The following TRMT2B variants were observed in gnomAD, a reference collection of about 807,000 sequenced individuals.
TRMT2B encodes tRNA methyltransferase 2B, also known as tRNA (uracil-5-)-methyltransferase homolog B.
TRMT2B carries 34 observed loss-of-function variants against 39.7 expected under a neutral mutation model. The observed-to-expected ratio is 0.86, with a 90% CI of 0.65 to 1.14. The LOEUF is 1.14. Among genes scored for constraint, TRMT2B ranks in the 50% most tolerant of loss-of-function variants. The pLI is 0.00. For missense variants in TRMT2B, 318 were observed against 377.2 expected (o/e 0.84, Z 1.30); for synonymous variants, 132 against 137.3 (o/e 0.96, Z 0.27).
intron 2 of TRMT2B, among the ~76,000 whole-genome samples, chrX:101,044,197 G>A (rs1178747994): frequency 9.6e-6 from 1 of 103,824 alleles, no homozygotes; most frequent in Non-Finnish European, 2.0e-5. Context: ...AGCCAAGATT[G>A]TGCCACTGCA....
rs1249470344 is a variant in TRMT2B, at chrX:101,031,722, A to G, written c.609+3891T>C. 4.5e-5 allele frequency among the ~76,000 whole-genome samples: 5 copies of G among 110,688 alleles called. No homozygotes were observed. The East Asian group carries it at 1.4e-3, about 31-fold the overall frequency. On this transcript the variant is annotated intron_variant, in intron 7 of 13. Transcript: ENST00000372936. ...AAACTCTGTCGTAGGAAAAAAAAAA[A>G]AAAAGCAAATAGAAAGATAAGTTAA... is the stretch of plus-strand genomic sequence containing the variant.
chrX:101,003,379 G>A, the TRMT2B span, among the ~76,000 whole-genome samples: 6 of 101,644 alleles, frequency 5.9e-5, no homozygotes, highest in Non-Finnish European at 9.9e-5. Context: ...ATGGAGTTTC[G>A]CTCTTGTTGC....
chrX:100,981,738 G>A, the TRMT2B span, among the ~76,000 whole-genome samples: 1 of 108,570 alleles, frequency 9.2e-6, no homozygotes, highest in Non-Finnish European at 1.9e-5. Context: ...GAGTCCAGGA[G>A]GTCAAGGCTG....
the TRMT2B span, chrX:100,990,620 G>A: frequency 2.7e-6 from 3 of 1,122,158 alleles, no homozygotes; most frequent in African/African-American, 1.8e-5. Context: ...GGCATCCATT[G>A]AGAATGAAGA....
downstream of TRMT2B, among the ~76,000 whole-genome samples, chrX:101,006,207 G>T (rs1291561036): frequency 9.0e-6 from 1 of 111,127 alleles, no homozygotes; most frequent in Non-Finnish European, 1.9e-5. Flanking sequence ...TCCAGCCTGG[G>T]TGACAGAGTG....
At chrX:101,007,410 G>T (rs1368372565), downstream of TRMT2B, among the ~76,000 whole-genome samples, 1 of 111,833 alleles carries the variant, frequency 8.9e-6, no homozygotes, top group Middle Eastern at 4.2e-3. Flanking sequence ...ACTTTGGGAG[G>T]CCAAGGTGGG....
chrX:100,999,869 C>A, the TRMT2B span, among the ~76,000 whole-genome samples: 2 of 111,929 alleles, frequency 1.8e-5, no homozygotes, highest in Non-Finnish European at 3.8e-5. Context: ...ATCCCAGGAA[C>A]TAGGAAGTTT....
At chrX:101,005,321 A>G (rs908706024), downstream of TRMT2B, among the ~76,000 whole-genome samples, 1 of 111,355 alleles carries the variant, frequency 9.0e-6, no homozygotes, top group Non-Finnish European at 1.9e-5. Context: ...TGAACTCAGG[A>G]GGTGGAGGTT....
chrX:100,978,520 C>T, the TRMT2B span, among the ~76,000 whole-genome samples: 3 of 111,227 alleles, frequency 2.7e-5, no homozygotes, highest in South Asian at 3.8e-4. Flanking sequence ...TAGCTACTCC[C>T]GCTCTTTTGG....
At chrX:100,977,448 T>G in the TRMT2B span, among the ~76,000 whole-genome samples, 3 of 101,120 alleles carry the variant, frequency 3.0e-5, no homozygotes, top group African/African-American at 7.4e-5. Context: ...TGGCACGATC[T>G]CGGCTCACTG....
intron 2 of TRMT2B, among the ~76,000 whole-genome samples, chrX:101,045,556 G>A (rs1362116096): frequency 1.8e-5 from 2 of 109,393 alleles, no homozygotes; most frequent in African/African-American, 6.6e-5. Flanking sequence ...GATCACCTGA[G>A]GTCAGGAGTT....
the TRMT2B span, chrX:100,973,744 C>T: frequency 5.8e-6 from 7 of 1,209,793 alleles, no homozygotes; most frequent in Admixed American, 4.3e-5. Context: ...AGAAGAGACA[C>T]GAAGGTAATA....
chrX:100,994,855 C>T, the TRMT2B span, among the ~76,000 whole-genome samples: 1 of 111,423 alleles, frequency 9.0e-6, no homozygotes, highest in Non-Finnish European at 1.9e-5. Flanking sequence ...GCTGCAACCT[C>T]GAACTCCTGG....
chrX:100,990,640 TAA>T, the TRMT2B span: 1 of 1,086,351 alleles, frequency 9.2e-7, no homozygotes, highest in Admixed American at 2.6e-5. Flanking sequence ...ACCACCTTGG[TAA>T]AAAAGAACAG....
chrX:101,000,040 G>A, the TRMT2B span, among the ~76,000 whole-genome samples: 2 of 111,805 alleles, frequency 1.8e-5, no homozygotes, highest in African/African-American at 6.5e-5. Context: ...TTCTAGAAGA[G>A]GAGTGGGAAT....
intron 13 of TRMT2B, 136 bp from the exon 14 acceptor site, chrX:101,010,843 T>C (rs2086217618): frequency 1.8e-6 from 1 of 553,493 alleles, no homozygotes; most frequent in African/African-American, 2.3e-5. Context: ...ATTTATCTTA[T>C]TTAATATAAT....
At chrX:101,011,804 G>A (rs773084020) in intron 13 of TRMT2B, among the ~76,000 whole-genome samples, 1 of 111,427 alleles carries the variant, frequency 9.0e-6, no homozygotes, top group Non-Finnish European at 1.9e-5. Flanking sequence ...TGAGGCGGGA[G>A]GATGTCTTGA....
chrX:100,977,127 T>C, the TRMT2B span, among the ~76,000 whole-genome samples: 1 of 111,643 alleles, frequency 9.0e-6, no homozygotes, highest in Admixed American at 9.5e-5. Flanking sequence ...AATGATCAAA[T>C]CAGGGTAAAT....
the TRMT2B span, among the ~76,000 whole-genome samples, chrX:100,998,581 C>T: frequency 9.3e-6 from 1 of 107,912 alleles, no homozygotes; most frequent in African/African-American, 3.4e-5. Flanking sequence ...AAACGACACC[C>T]ATTTCATGCA....
Sources: gnomAD v4.1 joint callset for allele counts (sites outside exome capture counted in the v4.1 genomes callset) on GRCh38, gnomAD v4.1.1 for gene constraint, MANE v1.5 for transcripts, NCBI Gene and HGNC (gene_info 2026-07-23, HGNC 2026-07-21) for gene names.